The following TM9SF4 variants were observed in gnomAD, a reference collection of about 807,000 sequenced individuals.
TM9SF4 encodes dinucleotide oxidase disulfide thiol exchanger 3 superfamily member 4.
A neutral mutation model predicts 90.4 loss-of-function variants in TM9SF4; 26 were observed. That is an observed-to-expected ratio of 0.29 (90% confidence interval 0.21 to 0.40). The LOEUF (loss-of-function observed/expected upper bound fraction) is 0.40, where lower values mean the gene tolerates loss of function less well. TM9SF4 is among the 10% of genes least tolerant of loss of function. TM9SF4 has a pLI of 1.00. For synonymous variants in TM9SF4, 293 were observed against 315.4 expected, an observed-to-expected ratio of 0.93 and a Z score of 0.75; for missense variants, 549 against 834.8, an observed-to-expected ratio of 0.66 and a Z score of 4.22.
At chr20:32,121,228 C>A (rs1160440642) in intron 1 of TM9SF4, among the ~76,000 whole-genome samples, 1 of 127,860 alleles carries the variant, frequency 7.8e-6, no homozygotes, top group South Asian at 2.4e-4. Flanking sequence ...TTTTATTGAT[C>A]ATTCTTGGGT....
chr20:32,118,455 G>T (rs1343714383), intron 1 of TM9SF4, among the ~76,000 whole-genome samples: 1 of 151,656 alleles, frequency 6.6e-6, no homozygotes, highest in African/African-American at 2.4e-5. Flanking sequence ...TAGAGACAGG[G>T]TCTCACCCTG....
chr20:32,146,601 C>A (rs1196655680), intron 8 of TM9SF4, among the ~76,000 whole-genome samples, 184 bp from the exon 9 acceptor site: 8 of 152,056 alleles, frequency 5.3e-5, no homozygotes, highest in Admixed American at 2.0e-4. Flanking sequence ...GTGCTCTCCT[C>A]CCCTGGTAGC....
chr20:32,111,143 C>T (rs1413719600), intron 1 of TM9SF4, among the ~76,000 whole-genome samples: 2 of 152,166 alleles, frequency 1.3e-5, no homozygotes, highest in Non-Finnish European at 2.9e-5. Flanking sequence ...TTTAGAACTT[C>T]AGAGGTCAGG....
At chr20:32,139,545 A>G (rs2046641198) in intron 3 of TM9SF4, among the ~76,000 whole-genome samples, 1 of 152,208 alleles carries the variant, frequency 6.6e-6, no homozygotes, top group African/African-American at 2.4e-5. Context: ...GACTGCCATC[A>G]CTGCCCCCCA....
At position 32,143,069 on chromosome 20, in the gene TM9SF4, C is replaced by T. The variant is rs1415837630; in HGVS notation, c.616C>T (p.Arg206Cys). The change falls in exon 6 of 18, where the codon CGC (arginine) becomes TGC (cysteine). Residue 206 changes from arginine (R) to cysteine (C), a missense_variant. Around this residue, in one of 2 missense-constraint regions of TM9SF4, gnomAD observed 495 missense variants for 711.7 expected, o/e 0.70. Coordinates refer to ENST00000398022, the MANE Select transcript of TM9SF4 (RefSeq NM_014742.4). Reference protein sequence around the residue: ...EDQEHTYRVVRFEVIPQSIRL... With the variant: ...EDQEHTYRVVCFEVIPQSIRL... ...CCAGGAGCACACGTACCGTGTCGTC[C>T]GCTTCGAGGTGATTCCCCAGAGCAT... is the stretch of plus-strand genomic sequence containing the variant. 2 of 1,613,732 alleles carry T rather than the reference C, an allele frequency of 1.2e-6. No individual in the cohort carries two copies. The highest frequency in any genetic ancestry group is 8.5e-7 in the Non-Finnish European group (1 of 1,179,772).
rs150549456 is a variant in TM9SF4 at position 32,136,544 on chromosome 20, C to G, written c.229+371C>G. 4.4e-3 allele frequency among the ~76,000 whole-genome samples: 663 copies of G among 152,288 alleles called. 2 individuals carry two copies. Among genetic ancestry groups the G allele is most frequent in the African/African-American group, 0.014 (591 of 41,564 alleles). The stretch of plus-strand genomic sequence containing the variant: ...CTCCTCTCTTGCGGCTTCATCACCT[C>G]CTCTGCTTTAAATGGAAAGAGAGAG... On this transcript the variant is annotated intron_variant, in intron 3 of 17. Coordinates refer to ENST00000398022, the MANE Select transcript of TM9SF4 (RefSeq NM_014742.4).
chr20:32,113,740 C>A (rs1296312722), intron 1 of TM9SF4, among the ~76,000 whole-genome samples: 3 of 152,134 alleles, frequency 2.0e-5, no homozygotes, highest in Non-Finnish European at 2.9e-5. Context: ...ATAGGTTGTG[C>A]ATACACTAAA....
intron 1 of TM9SF4, among the ~76,000 whole-genome samples, chr20:32,115,656 G>A (rs1442710474): frequency 6.6e-6 from 1 of 151,968 alleles, no homozygotes; most frequent in African/African-American, 2.4e-5. Flanking sequence ...TGAGAATCTG[G>A]GCTAGACTCC....
In TM9SF4 at chr20:32,137,445, G is replaced by A. The variant is rs371467952; in HGVS notation, c.229+1272G>A. Among the ~76,000 whole-genome samples, 31 of 152,264 alleles carry A rather than the reference G, an allele frequency of 2.0e-4. No homozygotes were observed. The East Asian group carries it at 4.6e-3, about 23-fold the overall frequency. Reference sequence around the variant, plus strand: ...CTCTCTGAACCCCTGCCAAATCTTCGTGAAGCTGGGGAAAGTTCCTGCCTC... The same window carrying A: ...CTCTCTGAACCCCTGCCAAATCTTCATGAAGCTGGGGAAAGTTCCTGCCTC... On this transcript the variant is annotated intron_variant, in intron 3 of 17. Transcript: ENST00000398022.
intron 9 of TM9SF4, 103 bp from the exon 10 acceptor site, chr20:32,149,531 C>T (rs567897627): frequency 5.4e-6 from 8 of 1,476,714 alleles, no homozygotes; most frequent in Middle Eastern, 1.8e-4. Flanking sequence ...GTCAGAGCAG[C>T]GCTGGTTGGC....
chr20:32,124,526 G>A (rs1433166708), intron 1 of TM9SF4, among the ~76,000 whole-genome samples: 1 of 152,088 alleles, frequency 6.6e-6, no homozygotes, highest in Admixed American at 6.6e-5. Context: ...CTGTGTGACC[G>A]TGGGTCTTTC....
rs1442520302 is a variant in TM9SF4, at chr20:32,158,371, C to A, written c.1506-80C>A. ...CACCACACTCGTGTAGGTGCTCTCT[C>A]TTCATGCCAGCTTGGGAAGGAGCTT... On this transcript the variant is annotated intron_variant, in intron 14 of 17. Coordinates refer to ENST00000398022, the MANE Select transcript of TM9SF4 (RefSeq NM_014742.4). 6.4e-6 allele frequency: 9 copies of A among 1,407,438 alleles called. 1 individual carries two copies. 87.2% of individuals were successfully genotyped at this position (1,407,438 alleles called of 1,614,324 possible).
chr20:32,157,773 C>T (rs774529492), intron 13 of TM9SF4, 21 bp from the exon 14 acceptor site: 2 of 1,612,996 alleles, frequency 1.2e-6, no homozygotes, highest in South Asian at 2.2e-5. Flanking sequence ...TCGTGGGGGC[C>T]TCATGGTGCC....
chr20:32,116,691 A>G (rs1423373964), intron 1 of TM9SF4: 1 of 152,000 alleles, frequency 6.6e-6, no homozygotes, highest in East Asian at 1.9e-4. Context: ...TGAGTTCTTT[A>G]GTTCCATGGG....
At chr20:32,126,139 T>C (rs1229654697) in intron 1 of TM9SF4, among the ~76,000 whole-genome samples, 2 of 149,826 alleles carry the variant, frequency 1.3e-5, no homozygotes. Context: ...ACTGCAGATA[T>C]GATTTATTCC....
chr20:32,116,656 G>C (rs2046227636), intron 1 of TM9SF4: 1 of 152,074 alleles, frequency 6.6e-6, no homozygotes, highest in African/African-American at 2.4e-5. Context: ...TTTTTTGTTT[G>C]TTTGTTTGTT....
intron 1 of TM9SF4, among the ~76,000 whole-genome samples, chr20:32,121,410 G>A (rs1253207193): frequency 6.6e-6 from 1 of 151,900 alleles, no homozygotes; most frequent in African/African-American, 2.4e-5. Context: ...GACTCTTAAT[G>A]AGCATGCTGC....
At chr20:32,135,122 G>A (rs943259850) in intron 2 of TM9SF4, among the ~76,000 whole-genome samples, 4 of 152,082 alleles carry the variant, frequency 2.6e-5, no homozygotes, top group Non-Finnish European at 5.9e-5. Context: ...GTAACATTTC[G>A]ATGGGTTCTA....
chr20:32,120,517 AGTT>A (rs1332005518), intron 1 of TM9SF4, among the ~76,000 whole-genome samples: 1 of 150,158 alleles, frequency 6.7e-6, no homozygotes, highest in Non-Finnish European at 1.5e-5. Context: ...TAGTTCTAGT[AGTT>A]GTTTTGTGTA....
Sources: gnomAD v4.1 joint callset for allele counts (sites outside exome capture counted in the v4.1 genomes callset) on GRCh38, gnomAD v4.1.1 for gene constraint, gnomAD v4.1.1 regional missense constraint, MANE v1.5 for transcripts, NCBI Gene and HGNC (gene_info 2026-07-23, HGNC 2026-07-21) for gene names.